GJA1: variants seen among roughly 807,000 people sequenced by gnomAD.
GJA1 encodes the protein gap junction protein alpha 1, also known as gap junction alpha-1 protein.
GJA1 carries 9 observed loss-of-function variants against 31.0 expected under a neutral mutation model. The observed-to-expected ratio is 0.29, with a 90% confidence interval of 0.17 to 0.51. The LOEUF (loss-of-function observed/expected upper bound fraction) is 0.51, where lower values mean the gene tolerates loss of function less well. GJA1 is among the 20% of genes least tolerant of loss of function. The pLI is 0.98. For missense variants in GJA1, 278 were observed against 468.8 expected, an observed-to-expected ratio of 0.59 and a Z score of 3.76; for synonymous variants, 186 against 180.1, an observed-to-expected ratio of 1.03 and a Z score of -0.26.
In GJA1 at chr6:121,446,956, C is replaced by T. The variant is rs1773899212; in HGVS notation, c.109C>T (p.Leu37=). The T allele has an allele frequency of 1.2e-6, 2 of 1,614,044 alleles. No individual in the cohort carries two copies. Among genetic ancestry groups the T allele is most frequent in the Non-Finnish European group, 1.7e-6 (2 of 1,179,898 alleles). ...SVLFIFRILL[L]GTAVESAWGD... ...ACTTTTCATTTTCCGAATCCTGCTG[C>T]TGGGGACAGCGGTTGAGTCAGCCTG... The change falls in exon 2 of 2, where the codon CTG becomes TTG. Residue 37 remains leucine (L), a synonymous_variant. Coordinates refer to ENST00000282561, the MANE Select transcript of GJA1 (RefSeq NM_000165.5).
chr6:121,447,914 T>C lies in GJA1; in HGVS notation c.1067T>C (p.Leu356Pro). The C allele has an allele frequency of 6.2e-7, 1 of 1,613,736 alleles. No individual in the cohort carries two copies. Among genetic ancestry groups the C allele is most frequent in the Non-Finnish European group, 8.5e-7 (1 of 1,179,790 alleles). The change falls in exon 2 of 2, where the codon CTA becomes CCA. Residue 356 changes from leucine to proline, a missense_variant. This residue lies in a region of GJA1 where 172 missense variants were observed against 190.9 expected (regional missense o/e 0.90). Transcript: ENST00000282561. Reference sequence around the variant, plus strand: ...GCTGCTGGACATGAATTACAGCCACTAGCCATTGTGGACCAGCGACCTTCA... The same window carrying C: ...GCTGCTGGACATGAATTACAGCCACCAGCCATTGTGGACCAGCGACCTTCA... ...KLAAGHELQP[L>P]AIVDQRPSSR... is the part of the protein sequence containing the mutation.
rs1301439127 is a variant in GJA1 at position 121,449,596 on chromosome 6, AT to A, written c.*1603del. 6.0e-6 allele frequency: 1 copy of A among 167,082 alleles called. No homozygotes were observed. Among genetic ancestry groups the A allele is most frequent in the African/African-American group, 2.4e-5 (1 of 41,448 alleles). 10.3% of individuals were successfully genotyped at this position (167,082 alleles called of 1,614,324 possible). A position where few individuals can be genotyped will look rare whatever the true frequency, so the allele number is the denominator to read the frequency against. On this transcript the variant is annotated 3_prime_UTR_variant, in exon 2 of 2. Transcript: ENST00000282561. ...CAGTTTTGTACAATGAAAATTACTA[AT>A]TTGTTTGACATTCCATGTTAAACTA...
At chr6:121,444,775 A>G (rs188801750) in intron 1 of GJA1, among the ~76,000 whole-genome samples, 1 of 152,324 alleles carries the variant, frequency 6.6e-6, no homozygotes, top group African/African-American at 2.4e-5. Flanking sequence ...TAATTATTAA[A>G]CAATCTTTGA....
intron 1 of GJA1, among the ~76,000 whole-genome samples, chr6:121,442,645 T>G (rs941156973): frequency 6.6e-6 from 1 of 152,224 alleles, no homozygotes; most frequent in Non-Finnish European, 1.5e-5. Context: ...CCTTACTTCC[T>G]AGGCCCCACC....
intron 1 of GJA1, among the ~76,000 whole-genome samples, chr6:121,440,734 A>ATTCTT (rs368604233): frequency 5.3e-5 from 8 of 151,562 alleles, no homozygotes; most frequent in Admixed American, 1.3e-4. Flanking sequence ...CAATTAATTA[A>ATTCTT]TTCTTTTCTT....
At chr6:121,441,411 A>G (rs904523317) in intron 1 of GJA1, among the ~76,000 whole-genome samples, 5 of 152,202 alleles carry the variant, frequency 3.3e-5, no homozygotes, top group African/African-American at 1.2e-4. Flanking sequence ...GGGATACAGC[A>G]GTGAACAAAG....
chr6:121,446,665 C>T (rs559308667), intron 1 of GJA1, among the ~76,000 whole-genome samples, 167 bp from the exon 2 acceptor site: 58 of 152,338 alleles, frequency 3.8e-4, no homozygotes, highest in Non-Finnish European at 6.8e-4. Flanking sequence ...ATCTTTTCTT[C>T]GTTGGCAAAA....
chr6:121,437,061 T>A (rs1307493515), intron 1 of GJA1, among the ~76,000 whole-genome samples: 2 of 152,220 alleles, frequency 1.3e-5, no homozygotes, highest in African/African-American at 4.8e-5. Flanking sequence ...CAAATAAAAA[T>A]GAAAGCTTTG....
Position 121,449,538 on chromosome 6 carries a change from CTT to C in GJA1, c.*1545_*1546del, listed in dbSNP as rs1488583293. ...ATTGGTGAAAATGCTGAGTATGACACTTTTCTTCTTGCATGCATGTCAGCTAC... is the reference window on the plus strand; with the variant it reads ...ATTGGTGAAAATGCTGAGTATGACACTTCTTCTTGCATGCATGTCAGCTAC... On this transcript the variant is annotated 3_prime_UTR_variant, in exon 2 of 2. Coordinates refer to ENST00000282561, the MANE Select transcript of GJA1 (RefSeq NM_000165.5). The C allele has an allele frequency of 1.2e-5, 2 of 167,028 alleles. No individual in the cohort carries two copies. The highest frequency in any genetic ancestry group is 2.4e-5 in the African/African-American group (1 of 41,450). 10.3% of individuals were successfully genotyped at this position (167,028 alleles called of 1,614,324 possible).
At chr6:121,438,458 C>G (rs1443291992) in intron 1 of GJA1, among the ~76,000 whole-genome samples, 1 of 152,174 alleles carries the variant, frequency 6.6e-6, no homozygotes, top group Non-Finnish European at 1.5e-5. Flanking sequence ...TTTCCAATTC[C>G]TGCATAGAGA....
rs149442143 is a variant in GJA1 at position 121,447,631 on chromosome 6, T to C, written c.784T>C (p.Ser262Pro). The C allele has an allele frequency of 1.5e-5, 25 of 1,613,836 alleles. No individual in the cohort carries two copies. The African/African-American group carries it at 3.3e-4, about 22-fold the overall frequency. ...GALSPAKDCG[S>P]QKYAYFNGCS... The stretch of plus-strand genomic sequence containing the variant: ...GCTGAGCCCTGCCAAAGACTGTGGG[T>C]CTCAAAAATATGCTTATTTCAATGG... The change falls in exon 2 of 2, where the codon TCT (serine) becomes CCT (proline). Residue 262 changes from serine (S) to proline (P), a missense_variant. By Grantham distance (74) the Ser-to-Pro change is moderately conservative (BLOSUM62 -1). Transcript: ENST00000282561.
chr6:121,440,912 T>TTG (rs1773765801), intron 1 of GJA1, among the ~76,000 whole-genome samples: 82 of 142,300 alleles, frequency 5.8e-4, no homozygotes, highest in African/African-American at 2.2e-3. Context: ...TGGCTACTTT[T>TTG]TTGTTGTTGT....
Position 121,449,114 on chromosome 6 carries a change from A to G in GJA1, c.*1118A>G, listed in dbSNP as rs1354381969. On this transcript the variant is annotated 3_prime_UTR_variant, in exon 2 of 2. Transcript: ENST00000282561. ...CTCCTTTTTTTAGGATATAGCAGTA[A>G]TGCTATTACTGAAATGAATTTCCTT... The G allele has an allele frequency of 1.2e-5, 2 of 166,732 alleles. No individual in the cohort carries two copies. Among genetic ancestry groups the G allele is most frequent in the African/African-American group, 2.4e-5 (1 of 41,448 alleles). 10.3% of individuals were successfully genotyped at this position (166,732 alleles called of 1,614,324 possible).
At position 121,448,239 on chromosome 6, in the gene GJA1, A is replaced by G. The variant is rs139128953; in HGVS notation, c.*243A>G. On this transcript the variant is annotated 3_prime_UTR_variant, in exon 2 of 2. Transcript: ENST00000282561. ...GTATTTAAAGTAGTGGATTCAAAGAACTTAGATTATAAATAAGAGTTCCAT... is the reference window on the plus strand; with the variant it reads ...GTATTTAAAGTAGTGGATTCAAAGAGCTTAGATTATAAATAAGAGTTCCAT... 3.1e-3 allele frequency: 1,753 copies of G among 568,848 alleles called. 25 individuals are homozygous for G. The highest frequency in any genetic ancestry group is 0.028 in the African/African-American group (1,511 of 53,116). The allele number at this position is 568,848 out of a possible 1,614,324, so 35.2% of individuals were successfully genotyped here. A position where few individuals can be genotyped will look rare whatever the true frequency, so the allele number is the denominator to read the frequency against.
At chr6:121,440,815 C>T (rs1773762183) in intron 1 of GJA1, among the ~76,000 whole-genome samples, 1 of 152,162 alleles carries the variant, frequency 6.6e-6, no homozygotes, top group South Asian at 2.1e-4. Flanking sequence ...GATCTCTGCT[C>T]ACTGCAGCCT....
chr6:121,441,858 A>G (rs1010023409), intron 1 of GJA1, among the ~76,000 whole-genome samples: 1 of 152,188 alleles, frequency 6.6e-6, no homozygotes, highest in Non-Finnish European at 1.5e-5. Flanking sequence ...GCGGAGGAAT[A>G]GACAACTGAG....
chr6:121,435,916 A>C (rs1773653705), intron 1 of GJA1, 84 bp downstream of exon 1: 2 of 152,144 alleles, frequency 1.3e-5, no homozygotes, highest in African/African-American at 4.8e-5. Flanking sequence ...AAAATGTGTT[A>C]AATGTAATTT....
chr6:121,438,801 G>GTA (rs1269397105), intron 1 of GJA1, among the ~76,000 whole-genome samples: 4 of 152,082 alleles, frequency 2.6e-5, no homozygotes, highest in Non-Finnish European at 5.9e-5. Flanking sequence ...GGAGATTAAT[G>GTA]TATATATTTT....
chr6:121,436,126 A>C (rs1346489530), intron 1 of GJA1, among the ~76,000 whole-genome samples: 1 of 102,562 alleles, frequency 9.8e-6, no homozygotes, highest in Non-Finnish European at 1.8e-5. Flanking sequence ...TTAGAGTATC[A>C]TTTTATTTTG....
Sources: gnomAD v4.1 joint callset for allele counts (sites outside exome capture counted in the v4.1 genomes callset) on GRCh38, gnomAD v4.1.1 for gene constraint, gnomAD v4.1.1 regional missense constraint, MANE v1.5 for transcripts, NCBI Gene and HGNC (gene_info 2026-07-23, HGNC 2026-07-21) for gene names.